Variants in SLC24A4 observed in about 807,000 individuals in gnomAD.
SLC24A4 encodes the protein sodium/potassium/calcium exchanger 4.
In SLC24A4, 53 loss-of-function variants were observed where a neutral mutation model predicts 79.0. That is an observed-to-expected ratio of 0.67 (90% CI 0.54 to 0.84). The LOEUF (loss-of-function observed/expected upper bound fraction) is 0.84, where lower values mean the gene tolerates loss of function less well. Among genes scored for constraint, SLC24A4 ranks in the 40% least tolerant of loss-of-function variants. SLC24A4 has a pLI of 0.00. For synonymous variants in SLC24A4, 323 were observed against 323.8 expected (o/e 1.00, Z 0.03); for missense variants, 731 against 822.0 (o/e 0.89, Z 1.35).
At chr14:92,421,192 A>G (rs1891259226) in intron 2 of SLC24A4, among the ~76,000 whole-genome samples, 1 of 152,208 alleles carries the variant, frequency 6.6e-6, no homozygotes, top group African/African-American at 2.4e-5. Context: ...GGGAGCTCTT[A>G]AAGTTTTTCA....
At chr14:92,461,389 A>G (rs989362155) in intron 12 of SLC24A4, among the ~76,000 whole-genome samples, 5 of 152,230 alleles carry the variant, frequency 3.3e-5, no homozygotes, top group Admixed American at 1.3e-4. Context: ...CCGTCCTAAC[A>G]GAATGTCACC....
At chr14:92,394,991 G>A (rs1566737001) in intron 2 of SLC24A4, among the ~76,000 whole-genome samples, 1 of 152,230 alleles carries the variant, frequency 6.6e-6, no homozygotes, top group Non-Finnish European at 1.5e-5. Flanking sequence ...TCACCAGCCA[G>A]AGTGGAATGT....
chr14:92,457,567 T>C lies in SLC24A4; in HGVS notation c.1255+959T>C, dbSNP rs148793785. On this transcript the variant is annotated intron_variant, in intron 12 of 16. Coordinates refer to ENST00000532405, the MANE Select transcript of SLC24A4 (RefSeq NM_153646.4). ...CCAGTACCCAGGACTGGCCACATAGTAGGGGCTTGGTAGGTATCCGTCAAA... is the reference window on the plus strand; with the variant it reads ...CCAGTACCCAGGACTGGCCACATAGCAGGGGCTTGGTAGGTATCCGTCAAA... The C allele has an allele frequency of 7.5e-4, 115 of 152,742 alleles. 1 individual carries two copies. Among genetic ancestry groups the C allele is most frequent in the African/African-American group, 2.4e-3 (100 of 41,580 alleles). The allele number at this position is 152,742 out of a possible 1,614,324, so 9.5% of individuals were successfully genotyped here. A position where few individuals can be genotyped will look rare whatever the true frequency, so the allele number is the denominator to read the frequency against.
chr14:92,492,910 G>T (rs1477925405), intron 16 of SLC24A4: 1 of 447,966 alleles, frequency 2.2e-6, no homozygotes, highest in Non-Finnish European at 4.4e-6. Flanking sequence ...AAAGATAGAA[G>T]GATCAGGGAG....
intron 2 of SLC24A4, among the ~76,000 whole-genome samples, chr14:92,360,451 A>T (rs971111397): frequency 3.3e-5 from 5 of 152,334 alleles, no homozygotes; most frequent in Non-Finnish European, 7.3e-5. Context: ...TTTTCATTGT[A>T]GCTATAGTTC....
rs66533065 is a variant in SLC24A4 at position 92,480,286 on chromosome 14, C to CT, written c.1256-2376dup. 6.5e-3 allele frequency among the ~76,000 whole-genome samples: 408 copies of CT among 63,114 alleles called. 40 individuals carry two copies. The highest frequency in any genetic ancestry group is 0.021 in the African/African-American group (391 of 18,562). The allele number at this position is 63,114 out of a possible 152,430, so 41.4% of individuals were successfully genotyped here. A position where few individuals can be genotyped will look rare whatever the true frequency, so the allele number is the denominator to read the frequency against. On this transcript the variant is annotated intron_variant, in intron 12 of 16. Transcript: ENST00000532405. ...TTGGACATTGATTTGAGATCTTTCC[C>CT]TTTTTTTTTTTTTTTTTTGAGATGG...
chr14:92,371,968 T>TTCA (rs1439770546), intron 2 of SLC24A4, among the ~76,000 whole-genome samples: 1 of 62,368 alleles, frequency 1.6e-5, no homozygotes, highest in Non-Finnish European at 5.8e-5. Context: ...GTCTGTGCCA[T>TTCA]TCATCAGACA....
At chr14:92,442,281 A>G in intron 5 of SLC24A4, 108 bp downstream of exon 5, 1 of 839,320 alleles carries the variant, frequency 1.2e-6, no homozygotes, top group Non-Finnish European at 1.9e-6. Flanking sequence ...CATCTGTAAA[A>G]TGGGAGAATT....
At chr14:92,385,234 C>A (rs1027616650) in intron 2 of SLC24A4, among the ~76,000 whole-genome samples, 3 of 152,130 alleles carry the variant, frequency 2.0e-5, no homozygotes, top group African/African-American at 7.2e-5. Flanking sequence ...CGGCCAGGCG[C>A]GGTGGCTCAT....
At chr14:92,389,577 T>G (rs939115268) in intron 2 of SLC24A4, among the ~76,000 whole-genome samples, 1 of 152,090 alleles carries the variant, frequency 6.6e-6, no homozygotes, top group Admixed American at 6.6e-5. Context: ...TGTTCTCCCT[T>G]TCCTGTCCCC....
At chr14:92,335,654 C>T (rs1372797710) in intron 2 of SLC24A4, among the ~76,000 whole-genome samples, 1 of 152,156 alleles carries the variant, frequency 6.6e-6, no homozygotes, top group African/African-American at 2.4e-5. Context: ...TGAGCCACTG[C>T]GCCCAGCCCT....
chr14:92,340,729 C>A (rs1886093242), intron 2 of SLC24A4, among the ~76,000 whole-genome samples: 1 of 152,144 alleles, frequency 6.6e-6, no homozygotes, highest in Admixed American at 6.5e-5. Context: ...CCATCAGAAG[C>A]ACAACCGAGA....
intron 11 of SLC24A4, among the ~76,000 whole-genome samples, chr14:92,456,180 C>G (rs1893448201): frequency 6.6e-6 from 1 of 152,190 alleles, no homozygotes; most frequent in Non-Finnish European, 1.5e-5. Context: ...GTGGCCCAGG[C>G]CCTCTGATAA....
Position 92,493,465 on chromosome 14 carries a change from T to C in SLC24A4, c.1717-11T>C. The C allele has an allele frequency of 1.2e-6, 2 of 1,613,886 alleles. No homozygotes were observed. The highest frequency in any genetic ancestry group is 1.7e-6 in the Non-Finnish European group (2 of 1,179,868). On this transcript the variant is annotated splice_polypyrimidine_tract_variant and intron_variant, in intron 16 of 16. Coordinates refer to ENST00000532405, the MANE Select transcript of SLC24A4 (RefSeq NM_153646.4). ...CCCTGCAAGCCCAGTTCCCACACTCTGTCCTCCCAGGTCCTCGGCATCCAC... is the reference window on the plus strand; with the variant it reads ...CCCTGCAAGCCCAGTTCCCACACTCCGTCCTCCCAGGTCCTCGGCATCCAC...
intron 12 of SLC24A4, among the ~76,000 whole-genome samples, chr14:92,461,536 C>T (rs965561692): frequency 6.6e-6 from 1 of 152,082 alleles, no homozygotes; most frequent in Non-Finnish European, 1.5e-5. Flanking sequence ...GTTCACGTGG[C>T]CTTGTTTGTT....
chr14:92,456,448 G>T lies in SLC24A4; in HGVS notation c.1095G>T (p.Pro365=). 6.2e-7 allele frequency: 1 copy of T among 1,614,206 alleles called. No homozygotes were observed. The highest frequency in any genetic ancestry group is 8.5e-7 in the Non-Finnish European group (1 of 1,180,034). Residue 365 remains proline, a synonymous_variant, in exon 12 of 17, where the codon CCG becomes CCT. Coordinates refer to ENST00000532405, the MANE Select transcript of SLC24A4 (RefSeq NM_153646.4). ...CGGCCAATGGTGTGAGCAGTAAGCCGCTTCAAAACGGGAGGCACGAGAACA... is the reference window on the plus strand; with the variant it reads ...CGGCCAATGGTGTGAGCAGTAAGCCTCTTCAAAACGGGAGGCACGAGAACA... The part of the protein sequence containing the change: ...INSANGVSSK[P]LQNGRHENIE...
intron 2 of SLC24A4, among the ~76,000 whole-genome samples, chr14:92,347,913 G>A (rs558615176): frequency 1.6e-4 from 25 of 152,140 alleles, no homozygotes; most frequent in Non-Finnish European, 3.2e-4. Flanking sequence ...GTGACAGAGC[G>A]AGACTCCATC....
intron 2 of SLC24A4, among the ~76,000 whole-genome samples, chr14:92,346,996 C>T (rs1254135984): frequency 6.6e-6 from 1 of 152,174 alleles, no homozygotes; most frequent in East Asian, 1.9e-4. Flanking sequence ...GCTGAGCTAC[C>T]TCCTTTATAG....
chr14:92,370,611 G>A (rs748601750), intron 2 of SLC24A4, among the ~76,000 whole-genome samples: 5 of 152,252 alleles, frequency 3.3e-5, no homozygotes, highest in South Asian at 4.1e-4. Context: ...GAGAAAATTC[G>A]AGGGTGAGAT....
Sources: gnomAD v4.1 joint callset for allele counts (sites outside exome capture counted in the v4.1 genomes callset) on GRCh38, gnomAD v4.1.1 for gene constraint, MANE v1.5 for transcripts, NCBI Gene and HGNC (gene_info 2026-07-23, HGNC 2026-07-21) for gene names.